PKN2: variants seen among roughly 807,000 people sequenced by gnomAD.
PKN2 encodes the protein protein kinase N2.
Under a neutral mutation model 119.1 loss-of-function variants are expected in PKN2, and 38 were observed. The ratio of observed to expected loss-of-function variants is 0.32; its 90% CI spans 0.25 to 0.42. The LOEUF (loss-of-function observed/expected upper bound fraction) is 0.42, where lower values mean the gene tolerates loss of function less well. PKN2 is among the 10% of genes least tolerant of loss of function. The pLI is 1.00. For missense variants in PKN2, 850 were observed against 1,165.1 expected (o/e 0.73, Z 3.94); for synonymous variants, 390 against 384.9 (o/e 1.01, Z -0.15).
Position 88,725,323 on chromosome 1 carries a change from C to G in PKN2, c.49-15665C>G, listed in dbSNP as rs74850321. On this transcript the variant is annotated intron_variant, in intron 1 of 21. Coordinates refer to ENST00000370521, the MANE Select transcript of PKN2 (RefSeq NM_006256.4). ...TATGTTTAAATTTATAAGACAATGC[C>G]AAACTGTTTTTCAGAGTGGCTATAC... Among the ~76,000 whole-genome samples, 767 of 152,104 alleles carry G rather than the reference C, an allele frequency of 5.0e-3. 3 individuals are homozygous for G. The highest frequency in any genetic ancestry group is 0.017 in the African/African-American group (722 of 41,484).
chr1:88,778,536 CAA>C, intron 6 of PKN2, among the ~76,000 whole-genome samples: 1 of 152,298 alleles, frequency 6.6e-6, no homozygotes, highest in East Asian at 1.9e-4. Flanking sequence ...AGAAGCATTG[CAA>C]AGTCTTTTAT....
intron 8 of PKN2, among the ~76,000 whole-genome samples, chr1:88,797,687 G>A (rs1557618789): frequency 2.0e-5 from 3 of 151,070 alleles, no homozygotes; most frequent in South Asian, 2.1e-4. Context: ...CTCTCATCTC[G>A]CTCCACACAA....
intron 16 of PKN2, among the ~76,000 whole-genome samples, chr1:88,815,007 T>C (rs1671927720): frequency 6.6e-6 from 1 of 152,174 alleles, no homozygotes; most frequent in African/African-American, 2.4e-5. Flanking sequence ...TAGGGGTTAA[T>C]TCTAATGGGT....
intron 6 of PKN2, among the ~76,000 whole-genome samples, chr1:88,782,049 T>C (rs1214646068): frequency 6.6e-6 from 1 of 152,138 alleles, no homozygotes; most frequent in African/African-American, 2.4e-5. Context: ...AGTAAATGTA[T>C]ATGCCTATTT....
chr1:88,827,188 A>T (rs146311354), intron 18 of PKN2, among the ~76,000 whole-genome samples: 2 of 152,126 alleles, frequency 1.3e-5, no homozygotes, highest in East Asian at 1.9e-4. Flanking sequence ...AATATCTTCA[A>T]TATGTAGACT....
chr1:88,817,624 G>C (rs1301168183), intron 16 of PKN2, among the ~76,000 whole-genome samples: 1 of 149,530 alleles, frequency 6.7e-6, no homozygotes, highest in Non-Finnish European at 1.5e-5. Context: ...CAGGAGAATC[G>C]CTTGAACCCT....
At chr1:88,736,884 A>T (rs753045236) in intron 1 of PKN2, among the ~76,000 whole-genome samples, 7 of 152,208 alleles carry the variant, frequency 4.6e-5, no homozygotes, top group Non-Finnish European at 1.0e-4. Flanking sequence ...GTTCTGGCCC[A>T]GATTGACTAG....
intron 18 of PKN2, among the ~76,000 whole-genome samples, chr1:88,825,198 T>C (rs1169294872): frequency 6.6e-6 from 1 of 152,208 alleles, no homozygotes; most frequent in Non-Finnish European, 1.5e-5. Flanking sequence ...ACTGACCTAA[T>C]TGCTGAATCA....
At chr1:88,818,001 A>G (rs1409911460) in intron 16 of PKN2, among the ~76,000 whole-genome samples, 3 of 152,240 alleles carry the variant, frequency 2.0e-5, no homozygotes, top group Non-Finnish European at 4.4e-5. Context: ...AATCTCCTTA[A>G]GCTGATAAGC....
chr1:88,752,607 A>T (rs1319651321), intron 2 of PKN2, among the ~76,000 whole-genome samples: 1 of 152,118 alleles, frequency 6.6e-6, no homozygotes, highest in Non-Finnish European at 1.5e-5. Context: ...TTTAGAATTG[A>T]TGCATATTTC....
At chr1:88,782,245 T>C (rs1466716251) in intron 6 of PKN2, among the ~76,000 whole-genome samples, 2 of 152,300 alleles carry the variant, frequency 1.3e-5, no homozygotes, top group African/African-American at 4.8e-5. Context: ...GTGTTTCTTG[T>C]TCACGACTTG....
chr1:88,738,628 A>G (rs1570557991), intron 1 of PKN2, among the ~76,000 whole-genome samples: 1 of 152,374 alleles, frequency 6.6e-6, no homozygotes, highest in Non-Finnish European at 1.5e-5. Flanking sequence ...ATGAGAAATA[A>G]GGAATAATTT....
intron 20 of PKN2, 36 bp from the exon 21 acceptor site, chr1:88,833,041 G>A: frequency 6.5e-7 from 1 of 1,531,112 alleles, no homozygotes; most frequent in Non-Finnish European, 8.9e-7. Flanking sequence ...TATTCTATTG[G>A]TTTTATTTTA....
Position 88,832,849 on chromosome 1 carries a change from A to C in PKN2, c.2668A>C (p.Arg890=), listed in dbSNP as rs1287602189. ...TACAGAAGCCATTTCTATAATGAGA[A>C]GGGTAAGAATTAAAATAAGGATAAG... ...LSTEAISIMR[R]LLRRNPERRL... The change falls in exon 20 of 22, where the codon AGG becomes CGG. Residue 890 remains arginine (R), a splice_region_variant and synonymous_variant. Transcript: ENST00000370521. 6.6e-7 allele frequency: 1 copy of C among 1,503,968 alleles called. No individual in the cohort carries two copies. Among genetic ancestry groups the C allele is most frequent in the African/African-American group, 1.4e-5 (1 of 71,626 alleles). The allele number at this position is 1,503,968 out of a possible 1,614,324, so 93.2% of individuals were successfully genotyped here. A position where few individuals can be genotyped will look rare whatever the true frequency, so the allele number is the denominator to read the frequency against.
chr1:88,755,248 G>A (rs1192412154), intron 2 of PKN2, among the ~76,000 whole-genome samples: 1 of 152,124 alleles, frequency 6.6e-6, no homozygotes, highest in African/African-American at 2.4e-5. Flanking sequence ...ACTGGCAACT[G>A]TATGTTTTAT....
rs543036191 is a variant in PKN2, at chr1:88,801,657, A to G, written c.1282-2734A>G. On this transcript the variant is annotated intron_variant, in intron 8 of 21. Transcript: ENST00000370521. ...GAACAGTGCAAAGTAACAAAAAATGAAGAGCTTTATATGTAAAATGTTAGA... is the reference window on the plus strand; with the variant it reads ...GAACAGTGCAAAGTAACAAAAAATGGAGAGCTTTATATGTAAAATGTTAGA... Among the ~76,000 whole-genome samples, 4 of 152,366 alleles carry G rather than the reference A, an allele frequency of 2.6e-5. No individual in the cohort carries two copies. The South Asian group carries it at 8.3e-4, about 32-fold the overall frequency.
chr1:88,783,342 TC>T (rs1293627873), intron 6 of PKN2, among the ~76,000 whole-genome samples: 2 of 152,178 alleles, frequency 1.3e-5, no homozygotes. Context: ...CGCCTGAGTT[TC>T]CCCCTCCCTG....
At chr1:88,699,055 C>G (rs1247022848) in intron 1 of PKN2, among the ~76,000 whole-genome samples, 2 of 151,794 alleles carry the variant, frequency 1.3e-5, no homozygotes, top group African/African-American at 4.8e-5. Flanking sequence ...GTTTATATTT[C>G]TATTATATTC....
intron 1 of PKN2, among the ~76,000 whole-genome samples, chr1:88,700,334 C>G (rs1034374929): frequency 6.6e-5 from 10 of 152,166 alleles, no homozygotes; most frequent in African/African-American, 2.4e-4. Context: ...ACACTGTCTT[C>G]CACAATGCAG....
Sources: gnomAD v4.1 joint callset for allele counts (sites outside exome capture counted in the v4.1 genomes callset) on GRCh38, gnomAD v4.1.1 for gene constraint, MANE v1.5 for transcripts, NCBI Gene and HGNC (gene_info 2026-07-23, HGNC 2026-07-21) for gene names.